The following ZNF280C variants were observed in gnomAD, a reference collection of about 807,000 sequenced individuals.
The protein encoded by ZNF280C is zinc finger protein 280C, also known as suppressor of hairy wing homolog 3.
Under a neutral mutation model 53.6 loss-of-function variants are expected in ZNF280C, and 14 were observed. The ratio of observed to expected loss-of-function variants is 0.26; its 90% CI spans 0.17 to 0.41. The LOEUF is 0.41. Among genes scored for constraint, ZNF280C ranks in the 10% least tolerant of loss-of-function variants. The pLI is 1.00. For missense variants in ZNF280C, 416 were observed against 547.1 expected, an observed-to-expected ratio of 0.76 and a Z score of 2.39; for synonymous variants, 203 against 181.1, an observed-to-expected ratio of 1.12 and a Z score of -0.97.
Position 130,205,116 on chromosome X carries a change from C to T in ZNF280C, c.2198+1G>A, listed in dbSNP as rs373096022. The T allele has an allele frequency of 8.3e-7, 1 of 1,198,416 alleles. No homozygotes were observed. Among genetic ancestry groups the T allele is most frequent in the Non-Finnish European group, 1.1e-6 (1 of 890,142 alleles). ...ATGCACTGAAGGAAAATTAAACTTACCCAGTAGTGGGTTCAGAAGTTGAGG... is the reference window on the plus strand; with the variant it reads ...ATGCACTGAAGGAAAATTAAACTTATCCAGTAGTGGGTTCAGAAGTTGAGG... On this transcript the variant is annotated splice_donor_variant, in intron 18 of 18. Transcript: ENST00000370978. LOFTEE classifies it high-confidence loss of function.
chrX:130,239,549 T>C, intron 6 of ZNF280C, 33 bp downstream of exon 6: 1 of 895,456 alleles, frequency 1.1e-6, no homozygotes, highest in Non-Finnish European at 1.6e-6. Context: ...AAGTCTCTTT[T>C]TATAATTTTT....
At chrX:130,261,336 T>C (rs914130678) in intron 1 of ZNF280C, among the ~76,000 whole-genome samples, 1 of 112,343 alleles carries the variant, frequency 8.9e-6, no homozygotes, top group African/African-American at 3.2e-5. Context: ...GAATAAACTT[T>C]TAAAATACTA....
intron 13 of ZNF280C, among the ~76,000 whole-genome samples, chrX:130,216,635 T>TA (rs2124699059): frequency 8.9e-6 from 1 of 112,035 alleles, no homozygotes; most frequent in African/African-American, 3.2e-5. Flanking sequence ...AAGTATTGGC[T>TA]AGGACATAGA....
intron 8 of ZNF280C, among the ~76,000 whole-genome samples, chrX:130,232,686 A>G (rs2032290273): frequency 8.9e-6 from 1 of 112,026 alleles, no homozygotes; most frequent in African/African-American, 3.2e-5. Flanking sequence ...GACAAAAGAT[A>G]AGTGTTGATA....
chrX:130,205,648 GTGGA>G (rs1277039739), intron 16 of ZNF280C, among the ~76,000 whole-genome samples: 1 of 110,450 alleles, frequency 9.1e-6, no homozygotes, highest in African/African-American at 3.3e-5. Context: ...GGAGGCAGAG[GTGGA>G]TGGATCACCT....
intron 14 of ZNF280C, among the ~76,000 whole-genome samples, chrX:130,215,574 C>T (rs892901744): frequency 1.8e-5 from 2 of 111,718 alleles, no homozygotes; most frequent in African/African-American, 6.5e-5. Context: ...AAGATAAAAG[C>T]ACAAAATATA....
intron 8 of ZNF280C, among the ~76,000 whole-genome samples, chrX:130,234,788 C>T (rs1489514954): frequency 9.0e-6 from 1 of 111,652 alleles, no homozygotes; most frequent in Non-Finnish European, 1.9e-5. Context: ...GGCGTGTTAC[C>T]TTAATCCCAT....
intron 1 of ZNF280C, among the ~76,000 whole-genome samples, chrX:130,261,529 G>A (rs2032630579): frequency 8.9e-6 from 1 of 112,035 alleles, no homozygotes; most frequent in Non-Finnish European, 1.9e-5. Flanking sequence ...TCCAAAAGAA[G>A]TTACTTGTAT....
In ZNF280C at chrX:130,204,767, A is replaced by G. The variant is rs760109501; in HGVS notation, c.*210T>C. 1.6e-5 allele frequency: 5 copies of G among 310,894 alleles called. No individual in the cohort carries two copies. The highest frequency in any genetic ancestry group is 2.2e-5 in the Non-Finnish European group (4 of 177,900). The allele number at this position is 310,894 out of a possible 1,213,427, so 25.6% of individuals were successfully genotyped here. A position where few individuals can be genotyped will look rare whatever the true frequency, so the allele number is the denominator to read the frequency against. On this transcript the variant is annotated 3_prime_UTR_variant, in exon 19 of 19. Coordinates refer to ENST00000370978, the MANE Select transcript of ZNF280C (RefSeq NM_017666.5). The stretch of plus-strand genomic sequence containing the variant: ...TGGAGAGAGCCAACTGGAGAAAAAA[A>G]TATGTTAAGATATGTTAACCTGACG...
chrX:130,226,619 C>G, intron 12 of ZNF280C, 140 bp downstream of exon 12: 1 of 521,898 alleles, frequency 1.9e-6, no homozygotes, highest in Admixed American at 4.6e-5. Flanking sequence ...TCATTCAGAA[C>G]AACTTTGCTT....
chrX:130,209,857 TA>T (rs965922355), intron 15 of ZNF280C, 142 bp from the exon 16 acceptor site: 12 of 531,364 alleles, frequency 2.3e-5, no homozygotes, highest in Non-Finnish European at 3.7e-5. Flanking sequence ...TTCTGTTGGT[TA>T]AAGCTATAAT....
intron 16 of ZNF280C, 134 bp downstream of exon 16, chrX:130,209,519 G>T: frequency 1.9e-6 from 1 of 531,257 alleles, no homozygotes; most frequent in Admixed American, 3.3e-5. Context: ...GAGATGATAG[G>T]CTATCCCTCC....
At chrX:130,238,710 A>G (rs2032358715) in intron 6 of ZNF280C, among the ~76,000 whole-genome samples, 2 of 111,664 alleles carry the variant, frequency 1.8e-5, no homozygotes, top group South Asian at 3.7e-4. Context: ...TACTATCTAG[A>G]TAAGTGACAC....
chrX:130,261,815 T>TTA (rs1207586547), intron 1 of ZNF280C, among the ~76,000 whole-genome samples: 9 of 108,770 alleles, frequency 8.3e-5, no homozygotes, highest in Non-Finnish European at 1.5e-4. Context: ...TTTTTTTTTT[T>TTA]AATTTTTATG....
At chrX:130,212,202 A>G (rs1237011667) in intron 15 of ZNF280C, among the ~76,000 whole-genome samples, 3 of 112,051 alleles carry the variant, frequency 2.7e-5, no homozygotes, top group African/African-American at 9.7e-5. Flanking sequence ...ATGCCCTGAA[A>G]CAGACTGAGC....
chrX:130,247,815 AG>A (rs2124711475), intron 2 of ZNF280C, among the ~76,000 whole-genome samples: 1 of 110,599 alleles, frequency 9.0e-6, no homozygotes, highest in Admixed American at 9.6e-5. Context: ...TATCAGGCAC[AG>A]GGCAAAGCAG....
chrX:130,265,873 A>G (rs1445271474), intron 1 of ZNF280C, among the ~76,000 whole-genome samples: 2 of 112,577 alleles, frequency 1.8e-5, no homozygotes, highest in African/African-American at 6.5e-5. Context: ...AAGCACTTAA[A>G]GAAAACAAAT....
intron 8 of ZNF280C, among the ~76,000 whole-genome samples, chrX:130,233,443 C>T (rs1324307112): frequency 9.1e-6 from 1 of 109,474 alleles, no homozygotes; most frequent in Non-Finnish European, 1.9e-5. Context: ...ATGGAGAAAC[C>T]CCATCTCTAC....
At chrX:130,238,485 G>A (rs1471538895) in intron 6 of ZNF280C, among the ~76,000 whole-genome samples, 1 of 111,262 alleles carries the variant, frequency 9.0e-6, no homozygotes, top group Non-Finnish European at 1.9e-5. Context: ...GCTTAAACCT[G>A]TACCTTCCCA....
Sources: gnomAD v4.1 joint callset for allele counts (sites outside exome capture counted in the v4.1 genomes callset) on GRCh38, gnomAD v4.1.1 for gene constraint, MANE v1.5 for transcripts, NCBI Gene and HGNC (gene_info 2026-07-23, HGNC 2026-07-21) for gene names.